The following VIT variants were observed in gnomAD, a reference collection of about 807,000 sequenced individuals.
The protein encoded by VIT is vitrin.
Under a neutral mutation model 78.0 loss-of-function variants are expected in VIT, and 99 were observed. The observed-to-expected ratio is 1.27, with a 90% CI of 1.08 to 1.50. The LOEUF (loss-of-function observed/expected upper bound fraction) is 1.50. Among genes scored for constraint, VIT ranks in the 40% most tolerant of loss-of-function variants. The probability of loss-of-function intolerance (pLI) is 0.00; values close to 1 mark genes in which losing one functional copy is unlikely to be tolerated. For missense variants in VIT, 1,126 were observed against 875.3 expected (o/e 1.29, Z -3.61); for synonymous variants, 374 against 334.3 (o/e 1.12, Z -1.29).
intron 15 of VIT, among the ~76,000 whole-genome samples, chr2:36,811,835 G>A (rs957680617): frequency 6.6e-6 from 1 of 151,798 alleles, no homozygotes; most frequent in Middle Eastern, 3.2e-3. Context: ...ACCACACCCA[G>A]CTAATTTTTT....
At chr2:36,790,168 A>G (rs113561935) in intron 12 of VIT, among the ~76,000 whole-genome samples, 112 of 152,314 alleles carry the variant, frequency 7.4e-4, no homozygotes, top group African/African-American at 2.3e-3. Flanking sequence ...TGACTCCTCA[A>G]TCTCCTACTC....
intron 1 of VIT, among the ~76,000 whole-genome samples, chr2:36,699,088 G>A (rs1010500289): frequency 1.3e-5 from 2 of 152,032 alleles, no homozygotes; most frequent in Non-Finnish European, 2.9e-5. Flanking sequence ...GTCCACATGT[G>A]CAACTTCCCC....
chr2:36,759,354 C>A lies in VIT; in HGVS notation c.487+308C>A. The A allele has an allele frequency of 2.8e-6, 4 of 1,415,568 alleles. No individual in the cohort carries two copies. The South Asian group carries it at 4.6e-5, about 16-fold the overall frequency. The allele number at this position is 1,415,568 out of a possible 1,614,324, so 87.7% of individuals were successfully genotyped here. On this transcript the variant is annotated intron_variant, in intron 6 of 15. Coordinates refer to ENST00000379242, the MANE Select transcript of VIT (RefSeq NM_053276.4). ...TTGCTTTAGAAAATGACATGACATT[C>A]TGTCCGGAAATGTTTCCTGGCAGCT...
chr2:36,741,883 G>T lies in VIT; in HGVS notation c.119-1217G>T, dbSNP rs138119220. On this transcript the variant is annotated intron_variant, in intron 3 of 15. Transcript: ENST00000379242. ...CTTCTTGGCAAAATTTGCCTCTATA[G>T]AAAGTCTGTTCTTTAAGTTCTAGCT... Among the ~76,000 whole-genome samples, 21 of 152,258 alleles carry T rather than the reference G, an allele frequency of 1.4e-4. 3 individuals carry two copies. The highest frequency in any genetic ancestry group is 1.2e-3 in the Admixed American group (19 of 15,284).
intron 3 of VIT, among the ~76,000 whole-genome samples, chr2:36,739,510 T>C (rs1236375697): frequency 6.6e-6 from 1 of 152,206 alleles, no homozygotes; most frequent in East Asian, 1.9e-4. Context: ...TGAGACCTTT[T>C]GCCCAGGAAC....
intron 2 of VIT, among the ~76,000 whole-genome samples, chr2:36,716,869 C>CTTTT (rs557873230): frequency 6.2e-4 from 49 of 78,674 alleles, no homozygotes; most frequent in East Asian, 8.1e-4. Flanking sequence ...AGAGATGATT[C>CTTTT]TTTTTTTTTT....
In VIT at chr2:36,814,483, T is replaced by C. The variant is rs745552951; in HGVS notation, c.*122T>C. The C allele has an allele frequency of 6.7e-6, 8 of 1,192,196 alleles. No homozygotes were observed. The highest frequency in any genetic ancestry group is 8.0e-6 in the Non-Finnish European group (7 of 875,010). 73.9% of individuals were successfully genotyped at this position (1,192,196 alleles called of 1,614,324 possible). A position where few individuals can be genotyped will look rare whatever the true frequency, so the allele number is the denominator to read the frequency against. ...TGGGCAGGGCATGGAGAAACAAATG[T>C]CTTGTTATTATTCTTTGCCATCATG... On this transcript the variant is annotated 3_prime_UTR_variant, in exon 16 of 16. Transcript: ENST00000379242.
chr2:36,790,911 A>G (rs562803971), intron 12 of VIT, among the ~76,000 whole-genome samples: 126 of 302 alleles, frequency 0.42, no homozygotes, highest in African/African-American at 0.46. Flanking sequence ...TCAATGAAAG[A>G]ACAGCCAGGC....
chr2:36,711,924 A>G (rs1329426637), intron 1 of VIT, among the ~76,000 whole-genome samples: 2 of 152,202 alleles, frequency 1.3e-5, no homozygotes, highest in Admixed American at 6.5e-5. Context: ...TCTTTATGTT[A>G]TATCTCATGG....
intron 3 of VIT, among the ~76,000 whole-genome samples, chr2:36,730,119 C>T (rs1276828395): frequency 6.6e-6 from 1 of 151,818 alleles, no homozygotes; most frequent in Non-Finnish European, 1.5e-5. Flanking sequence ...AACGTGGTGT[C>T]TTTATTAAAA....
chr2:36,715,496 A>G (rs1666069588), intron 1 of VIT, among the ~76,000 whole-genome samples: 1 of 151,790 alleles, frequency 6.6e-6, no homozygotes, highest in African/African-American at 2.4e-5. Flanking sequence ...AGATCACACC[A>G]CTGTACTCCA....
chr2:36,799,688 G>C (rs1666172272), intron 12 of VIT, among the ~76,000 whole-genome samples: 1 of 150,740 alleles, frequency 6.6e-6, no homozygotes, highest in South Asian at 2.1e-4. Context: ...CTGCACTCCA[G>C]GTTGAGCAAC....
intron 12 of VIT, among the ~76,000 whole-genome samples, chr2:36,799,797 C>T (rs571684890): frequency 2.6e-5 from 4 of 151,926 alleles, no homozygotes; most frequent in African/African-American, 4.8e-5. Context: ...CCTGTAATTC[C>T]GGCACTTTGG....
intron 12 of VIT, among the ~76,000 whole-genome samples, chr2:36,788,912 A>G (rs907455033): frequency 6.6e-6 from 1 of 152,172 alleles, no homozygotes; most frequent in Non-Finnish European, 1.5e-5. Flanking sequence ...TTAGAGAACA[A>G]ATGTTGCAGG....
chr2:36,808,920 T>A lies in VIT; in HGVS notation c.1838T>A (p.Ile613Asn), dbSNP rs373971535. 1.2e-6 allele frequency: 2 copies of A among 1,613,704 alleles called. No homozygotes were observed. The highest frequency in any genetic ancestry group is 1.3e-5 in the African/African-American group (1 of 74,996). The change falls in exon 15 of 16, where the codon ATC (isoleucine) becomes AAC (asparagine). Residue 613 changes from isoleucine (I) to asparagine (N), a missense_variant. Coordinates refer to ENST00000379242, the MANE Select transcript of VIT (RefSeq NM_053276.4). ...KSKPNKRKLM[I>N]LITDGRSYDD... Reference sequence around the variant, plus strand: ...AAGCCCAACAAGAGGAAGTTAATGATCCTCATCACCGACGGGAGGTCCTAC... The same window carrying A: ...AAGCCCAACAAGAGGAAGTTAATGAACCTCATCACCGACGGGAGGTCCTAC...
intron 12 of VIT, among the ~76,000 whole-genome samples, chr2:36,790,962 G>A (rs1665455956): frequency 6.6e-6 from 1 of 152,166 alleles, no homozygotes; most frequent in Non-Finnish European, 1.5e-5. Context: ...CAAACACCTT[G>A]CATTTCAGCT....
intron 13 of VIT, among the ~76,000 whole-genome samples, chr2:36,802,817 C>G (rs1666427201): frequency 6.6e-6 from 1 of 152,174 alleles, no homozygotes. Flanking sequence ...AGGACAGAAT[C>G]CGTTCAACTG....
intron 1 of VIT, among the ~76,000 whole-genome samples, chr2:36,708,816 C>G (rs374313170): frequency 1.3e-5 from 2 of 152,182 alleles, no homozygotes; most frequent in African/African-American, 4.8e-5. Context: ...AGCAGAGGTT[C>G]CCAATGCTGT....
At chr2:36,787,299 A>G in intron 12 of VIT, 23 bp downstream of exon 12, 1 of 1,597,482 alleles carries the variant, frequency 6.3e-7, no homozygotes, top group Non-Finnish European at 8.5e-7. Flanking sequence ...AATGTTCTGA[A>G]TCCAGAAAGG....
Sources: gnomAD v4.1 joint callset for allele counts (sites outside exome capture counted in the v4.1 genomes callset) on GRCh38, gnomAD v4.1.1 for gene constraint, MANE v1.5 for transcripts, NCBI Gene and HGNC (gene_info 2026-07-23, HGNC 2026-07-21) for gene names.